The following DNAH11 variants were observed in gnomAD, a reference collection of about 807,000 sequenced individuals.
DNAH11 encodes dynein axonemal heavy chain 11.
A neutral mutation model predicts 526.0 loss-of-function variants in DNAH11; 442 were observed. The observed-to-expected ratio is 0.84, with a 90% CI of 0.78 to 0.91. The LOEUF (loss-of-function observed/expected upper bound fraction) is 0.91, where lower values mean the gene tolerates loss of function less well. Ranked by LOEUF, DNAH11 falls within the 40% of genes least tolerant of loss-of-function variation. The pLI, the probability that DNAH11 is intolerant of heterozygous loss-of-function variation, is 0.00. For synonymous variants in DNAH11, 2,461 were observed against 1,935.9 expected, an observed-to-expected ratio of 1.27 and a Z score of -7.12; for missense variants, 6,989 against 5,448.7, an observed-to-expected ratio of 1.28 and a Z score of -8.90.
chr7:21,587,529 A>G (rs970092794), intron 9 of DNAH11, among the ~76,000 whole-genome samples: 8 of 152,132 alleles, frequency 5.3e-5, no homozygotes, highest in Admixed American at 3.3e-4. Flanking sequence ...TGTCCTTGTA[A>G]CAGTCACCAC....
chr7:21,787,360 G>T, intron 59 of DNAH11, 41 bp from the exon 60 acceptor site: 2 of 1,559,672 alleles, frequency 1.3e-6, no homozygotes, highest in Non-Finnish European at 1.7e-6. Context: ...TTTCTCTGCA[G>T]CCAAAATGGG....
chr7:21,734,964 G>A (rs1470660776), intron 45 of DNAH11, among the ~76,000 whole-genome samples: 3 of 151,982 alleles, frequency 2.0e-5, no homozygotes, highest in Non-Finnish European at 2.9e-5. Flanking sequence ...AAGGTCAGGA[G>A]ATCGAGACCA....
At position 21,703,020 on chromosome 7, in the gene DNAH11, C is replaced by T. The variant is rs563375703; in HGVS notation, c.6273+218C>T. On this transcript the variant is annotated intron_variant, in intron 37 of 81. Coordinates refer to ENST00000409508, the MANE Select transcript of DNAH11 (RefSeq NM_001277115.2). ...ATCTGGAAAAGAAAATGTGATTTTACAAGTAGTTTTGAAATAGCCACAAAA... is the reference window on the plus strand; with the variant it reads ...ATCTGGAAAAGAAAATGTGATTTTATAAGTAGTTTTGAAATAGCCACAAAA... Among the ~76,000 whole-genome samples the T allele has an allele frequency of 3.9e-5, 6 of 152,276 alleles. No individual in the cohort carries two copies. The East Asian group carries it at 1.2e-3, about 29-fold the overall frequency.
intron 61 of DNAH11, among the ~76,000 whole-genome samples, chr7:21,789,830 TTC>T (rs1788387129): frequency 1.4e-5 from 2 of 144,420 alleles, no homozygotes; most frequent in African/African-American, 5.5e-5. Context: ...CTTTCTTTCT[TTC>T]TTTCTTTCTT....
chr7:21,824,398 C>G (rs564154543), intron 65 of DNAH11, among the ~76,000 whole-genome samples: 1 of 152,068 alleles, frequency 6.6e-6, no homozygotes, highest in African/African-American at 2.4e-5. Flanking sequence ...GTCTAACAGA[C>G]AGGACATAGT....
At chr7:21,655,533 A>G (rs1392208041) in intron 28 of DNAH11, among the ~76,000 whole-genome samples, 1 of 152,208 alleles carries the variant, frequency 6.6e-6, no homozygotes, top group African/African-American at 2.4e-5. Flanking sequence ...TGTCTACAGG[A>G]ATATGGTACA....
intron 42 of DNAH11, among the ~76,000 whole-genome samples, chr7:21,714,352 T>C (rs1784571781): frequency 1.3e-5 from 2 of 152,342 alleles, no homozygotes; most frequent in Admixed American, 1.3e-4. Flanking sequence ...ATCCAGGTCA[T>C]TTTCCAAAAT....
At chr7:21,741,580 A>G (rs1785900861) in intron 48 of DNAH11, among the ~76,000 whole-genome samples, 1 of 152,312 alleles carries the variant, frequency 6.6e-6, no homozygotes, top group Admixed American at 6.5e-5. Flanking sequence ...CATGTTGGGG[A>G]TAAACTGTCA....
chr7:21,738,304 A>G (rs34126439), intron 46 of DNAH11, among the ~76,000 whole-genome samples: 6,473 of 152,308 alleles, frequency 0.042, 222 homozygotes, highest in East Asian at 0.2. Context: ...AGCTGTTCTC[A>G]GACTCTTCCG....
In DNAH11 at chr7:21,591,120, C is replaced by T. The variant is rs780045980; in HGVS notation, c.2275-65C>T. 1.1e-5 allele frequency: 16 copies of T among 1,509,918 alleles called. No individual in the cohort carries two copies. The Admixed American group carries it at 1.7e-4, about 16-fold the overall frequency. The allele number at this position is 1,509,918 out of a possible 1,614,324, so 93.5% of individuals were successfully genotyped here. A position where few individuals can be genotyped will look rare whatever the true frequency, so the allele number is the denominator to read the frequency against. On this transcript the variant is annotated intron_variant, in intron 13 of 81. Coordinates refer to ENST00000409508, the MANE Select transcript of DNAH11 (RefSeq NM_001277115.2). ...TATAGATCTATATGATATTTTTACA[C>T]CTTTAAGACAGAGAAAATAGCTAAC...
chr7:21,807,741 G>A (rs1789331515), intron 62 of DNAH11, 142 bp from the exon 63 acceptor site: 2 of 646,128 alleles, frequency 3.1e-6, no homozygotes, highest in South Asian at 8.6e-5. Flanking sequence ...GATTATAACA[G>A]TCACACCAAC....
At chr7:21,587,311 C>G (rs914505457) in intron 9 of DNAH11, among the ~76,000 whole-genome samples, 4 of 152,106 alleles carry the variant, frequency 2.6e-5, no homozygotes, top group African/African-American at 7.2e-5. Flanking sequence ...AGACTCGACT[C>G]CTGCTTTGCT....
At chr7:21,666,571 A>G (rs987526158) in intron 30 of DNAH11, among the ~76,000 whole-genome samples, 1 of 152,122 alleles carries the variant, frequency 6.6e-6, no homozygotes, top group African/African-American at 2.4e-5. Context: ...ACCAGTATAC[A>G]TATAAGAAAG....
intron 64 of DNAH11, among the ~76,000 whole-genome samples, chr7:21,817,495 A>C (rs1789847892): frequency 3.5e-5 from 5 of 143,818 alleles, no homozygotes; most frequent in African/African-American, 1.3e-4. Context: ...ACCCTGAGCG[A>C]CATAGTGAGA....
chr7:21,766,969 C>T (rs1300175179), intron 55 of DNAH11, among the ~76,000 whole-genome samples: 1 of 152,148 alleles, frequency 6.6e-6, no homozygotes, highest in African/African-American at 2.4e-5. Context: ...AAAACGTTTC[C>T]ACAAATAAAT....
rs570936388 is a variant in DNAH11 at position 21,610,997 on chromosome 7, C to T, written c.3853-4117C>T. On this transcript the variant is annotated intron_variant, in intron 20 of 81. Coordinates refer to ENST00000409508, the MANE Select transcript of DNAH11 (RefSeq NM_001277115.2). The stretch of plus-strand genomic sequence containing the variant: ...TGGTTAAATTTAGGTGTCAACCTGA[C>T]TAGATTAAGGGATACCTACAGAGCT... 2.6e-5 allele frequency among the ~76,000 whole-genome samples: 4 copies of T among 152,234 alleles called. No individual in the cohort carries two copies. In the East Asian group the frequency reaches 7.7e-4, roughly 29 times the overall value.
At position 21,818,320 on chromosome 7, in the gene DNAH11, A is replaced by G; in HGVS notation, c.10672A>G (p.Asn3558Asp). The change falls in exon 65 of 82, where the codon AAC (asparagine) becomes GAC (aspartate). Residue 3558 changes from asparagine (N) to aspartate (D), a missense_variant. By Grantham distance (23) the Asn-to-Asp change is conservative (BLOSUM62 1). Coordinates refer to ENST00000409508, the MANE Select transcript of DNAH11 (RefSeq NM_001277115.2). ...AGTCCTGGATCCACTACTTGGCAGG[A>G]ACACAATTAAAAAAGGAAAGTAAGT... ...DPVLDPLLGR[N>D]TIKKGKYIRI... The G allele has an allele frequency of 1.2e-6, 2 of 1,605,864 alleles. No homozygotes were observed. Among genetic ancestry groups the G allele is most frequent in the South Asian group, 1.1e-5 (1 of 88,344 alleles).
At chr7:21,709,897 A>C (rs1296239058) in intron 40 of DNAH11, among the ~76,000 whole-genome samples, 1 of 152,228 alleles carries the variant, frequency 6.6e-6, no homozygotes, top group African/African-American at 2.4e-5. Context: ...GCATCAAAAC[A>C]GTTTTGCTCA....
At chr7:21,559,896 C>G (rs1771540358) in intron 4 of DNAH11, 104 bp downstream of exon 4, 4 of 953,986 alleles carry the variant, frequency 4.2e-6, no homozygotes, top group Non-Finnish European at 6.1e-6. Flanking sequence ...GTATAATTTA[C>G]TGGTCTGCCC....
Sources: allele counts gnomAD v4.1 joint callset (sites outside exome capture counted in the v4.1 genomes callset), GRCh38; gene constraint gnomAD v4.1.1; transcripts MANE v1.5; gene names NCBI Gene and HGNC (gene_info 2026-07-23, HGNC 2026-07-21).